Variants in MYO10 observed in about 807,000 individuals in gnomAD.
MYO10 encodes myosin X.
MYO10 carries 133 observed loss-of-function variants against 257.3 expected under a neutral mutation model. The observed-to-expected ratio is 0.52, with a 90% CI of 0.45 to 0.60. The LOEUF (loss-of-function observed/expected upper bound fraction) is 0.60. MYO10 is among the 20% of genes least tolerant of loss of function. The pLI is 0.00. For missense variants in MYO10, 2,399 were observed against 2,635.7 expected (o/e 0.91, Z 1.97); for synonymous variants, 1,104 against 1,028.6 (o/e 1.07, Z -1.40).
chr5:16,898,768 A>G (rs1410119280), intron 1 of MYO10, among the ~76,000 whole-genome samples: 2 of 152,124 alleles, frequency 1.3e-5, no homozygotes, highest in East Asian at 1.9e-4. Context: ...TGGAACAGCC[A>G]TATTTCAAGT....
At position 16,751,238 on chromosome 5, in the gene MYO10, A is replaced by G. The variant is rs141975902; in HGVS notation, c.1929+3590T>C. On this transcript the variant is annotated intron_variant, in intron 19 of 40. Transcript: ENST00000513610. ...GCAAGATTTTTCCTGCGAAATTTCT[A>G]TAAGAATCTATCTTTGGATTAAAAA... Among the ~76,000 whole-genome samples the G allele has an allele frequency of 7.9e-4, 121 of 152,268 alleles. No homozygotes were observed. In the East Asian group the frequency reaches 0.019, roughly 23 times the overall value.
chr5:16,826,111 G>A (rs1256165443), intron 2 of MYO10, among the ~76,000 whole-genome samples: 3 of 152,108 alleles, frequency 2.0e-5, no homozygotes, highest in African/African-American at 7.2e-5. Flanking sequence ...CTGCACCACT[G>A]CACTCCAGCC....
At chr5:16,822,388 G>A (rs1455650322) in intron 2 of MYO10, among the ~76,000 whole-genome samples, 1 of 152,100 alleles carries the variant, frequency 6.6e-6, no homozygotes, top group African/African-American at 2.4e-5. Context: ...ACTGGGGATC[G>A]AGCTTACATT....
chr5:16,693,397 G>A (rs1449625780), intron 27 of MYO10, among the ~76,000 whole-genome samples: 3 of 152,310 alleles, frequency 2.0e-5, no homozygotes, highest in African/African-American at 2.4e-5. Context: ...TCTCACAAGC[G>A]CACTCCCGCA....
At chr5:16,717,691 A>G (rs763542521) in intron 19 of MYO10, among the ~76,000 whole-genome samples, 2 of 152,120 alleles carry the variant, frequency 1.3e-5, no homozygotes, top group Non-Finnish European at 2.9e-5. Flanking sequence ...CTTACTTCGC[A>G]TATCAACCTC....
chr5:16,756,775 C>T (rs1307489370), intron 18 of MYO10, among the ~76,000 whole-genome samples: 1 of 152,088 alleles, frequency 6.6e-6, no homozygotes, highest in Non-Finnish European at 1.5e-5. Context: ...CCATTTCCTT[C>T]ACTGCTAGTC....
intron 2 of MYO10, among the ~76,000 whole-genome samples, chr5:16,823,777 C>T (rs1340129649): frequency 2.5e-5 from 3 of 122,056 alleles, no homozygotes; most frequent in Admixed American, 8.0e-5. Flanking sequence ...TGGCTGGGGG[C>T]GGGGGGCGGG....
chr5:16,813,011 G>A (rs922942987), intron 3 of MYO10, among the ~76,000 whole-genome samples: 18 of 150,744 alleles, frequency 1.2e-4, no homozygotes, highest in African/African-American at 4.4e-4. Flanking sequence ...CCTGGTTTCT[G>A]ACAAAGTTCT....
chr5:16,785,009 A>G (rs895741379), intron 4 of MYO10, among the ~76,000 whole-genome samples: 7 of 152,004 alleles, frequency 4.6e-5, no homozygotes, highest in African/African-American at 1.7e-4. Context: ...GTTTGCGCGC[A>G]CACACACGAC....
chr5:16,765,746 T>C (rs1300801691), intron 11 of MYO10, among the ~76,000 whole-genome samples: 3 of 152,184 alleles, frequency 2.0e-5, no homozygotes, highest in Non-Finnish European at 4.4e-5. Context: ...GCTTGTCTTA[T>C]AGTGGAGGAA....
intron 1 of MYO10, among the ~76,000 whole-genome samples, chr5:16,896,368 G>A (rs1204317850): frequency 6.6e-6 from 1 of 152,122 alleles, no homozygotes; most frequent in African/African-American, 2.4e-5. Flanking sequence ...GGCCTAGGTG[G>A]GTGGATCAAC....
chr5:16,905,461 A>G (rs1745495464), intron 1 of MYO10, among the ~76,000 whole-genome samples: 1 of 151,690 alleles, frequency 6.6e-6, no homozygotes, highest in Non-Finnish European at 1.5e-5. Context: ...TATTCTCCCA[A>G]CCCTAAGGCT....
At chr5:16,759,333 A>C (rs1046827454) in intron 17 of MYO10, among the ~76,000 whole-genome samples, 1 of 152,168 alleles carries the variant, frequency 6.6e-6, no homozygotes, top group Non-Finnish European at 1.5e-5. Flanking sequence ...ACTTCTGAGC[A>C]TCTGCCTCCC....
intron 30 of MYO10, among the ~76,000 whole-genome samples, chr5:16,682,853 G>A (rs1450933081): frequency 6.6e-6 from 1 of 152,120 alleles, no homozygotes; most frequent in Admixed American, 6.6e-5. Flanking sequence ...GGCCAGTTGA[G>A]GAAGAGAGAA....
chr5:16,681,800 C>T (rs1737014235), intron 31 of MYO10, 71 bp downstream of exon 31: 18 of 1,490,438 alleles, frequency 1.2e-5, no homozygotes, highest in South Asian at 9.0e-5. Flanking sequence ...AATGAAAATG[C>T]TGCAGATGTC....
chr5:16,800,845 G>C (rs371636246), intron 3 of MYO10, among the ~76,000 whole-genome samples: 1 of 152,000 alleles, frequency 6.6e-6, no homozygotes, highest in East Asian at 1.9e-4. Context: ...GTAAAAGGTC[G>C]TCTGAATGCG....
chr5:16,746,632 A>C (rs1579943379), intron 19 of MYO10, among the ~76,000 whole-genome samples: 1 of 152,228 alleles, frequency 6.6e-6, no homozygotes, highest in South Asian at 2.1e-4. Context: ...TTACCAGTGA[A>C]ACAGAAAGTT....
At chr5:16,821,438 A>ATTTTC (rs1742807539) in intron 2 of MYO10, among the ~76,000 whole-genome samples, 1 of 73,240 alleles carries the variant, frequency 1.4e-5, no homozygotes, top group Non-Finnish European at 2.5e-5. Context: ...CTTTCCTCCT[A>ATTTTC]TTTTCTTTTT....
Position 16,758,201 on chromosome 5 carries a change from C to G in MYO10, c.1765G>C (p.Glu589Gln). The change falls in exon 18 of 41, where the codon GAA becomes CAA. Residue 589 changes from glutamate to glutamine, a missense_variant. Glu to Gln is a conservative substitution (Grantham distance 29). Coordinates refer to ENST00000513610, the MANE Select transcript of MYO10 (RefSeq NM_012334.3). ...SRFDFIYDLF[E>Q]HVSSRNNQDT... is the part of the protein sequence containing the mutation. Reference sequence around the variant, plus strand: ...TGGTTGTTGCGGCTTGAAACATGTTCAAAAAGATCGTAGATAAAGTCAAAT... The same window carrying G: ...TGGTTGTTGCGGCTTGAAACATGTTGAAAAAGATCGTAGATAAAGTCAAAT... 1 of 1,613,064 alleles carries G rather than the reference C, an allele frequency of 6.2e-7. No individual in the cohort carries two copies. Among genetic ancestry groups the G allele is most frequent in the South Asian group, 1.1e-5 (1 of 91,038 alleles).
Sources: allele counts gnomAD v4.1 joint callset (sites outside exome capture counted in the v4.1 genomes callset), GRCh38; gene constraint gnomAD v4.1.1; transcripts MANE v1.5; gene names NCBI Gene and HGNC (gene_info 2026-07-23, HGNC 2026-07-21).